Variants in PITPNM3 observed in about 807,000 individuals in gnomAD.
The protein encoded by PITPNM3 is membrane-associated phosphatidylinositol transfer protein 3.
In PITPNM3, 26 loss-of-function variants were observed where a neutral mutation model predicts 102.0. The observed-to-expected ratio is 0.25, with a 90% confidence interval of 0.19 to 0.35. The LOEUF (loss-of-function observed/expected upper bound fraction) is 0.35, where lower values mean the gene tolerates loss of function less well. Ranked by LOEUF, PITPNM3 falls within the 10% of genes least tolerant of loss-of-function variation. The probability of loss-of-function intolerance (pLI) is 1.00; values close to 1 mark genes in which losing one functional copy is unlikely to be tolerated. For missense variants in PITPNM3, 1,083 were observed against 1,346.1 expected, an observed-to-expected ratio of 0.80 and a Z score of 3.06; for synonymous variants, 578 against 558.6, an observed-to-expected ratio of 1.03 and a Z score of -0.49.
At chr17:6,486,697 A>G (rs1234148410) in intron 4 of PITPNM3, among the ~76,000 whole-genome samples, 1 of 152,098 alleles carries the variant, frequency 6.6e-6, no homozygotes, top group Non-Finnish European at 1.5e-5. Context: ...CTAATTTCTA[A>G]CTTACTAAAG....
chr17:6,489,764 G>A (rs994759430), intron 4 of PITPNM3, among the ~76,000 whole-genome samples: 1 of 152,158 alleles, frequency 6.6e-6, no homozygotes, highest in Non-Finnish European at 1.5e-5. Flanking sequence ...CCAGCACTTT[G>A]GGGGACCAAG....
Position 6,453,024 on chromosome 17 carries a change from G to A in PITPNM3, c.*2314C>T, listed in dbSNP as rs904447983. ...CCTTTCTCTCTCTCTCTCTCTCTCT[G>A]CCTTCCTGTCTTTCTTTCTCCCTCT... On this transcript the variant is annotated 3_prime_UTR_variant, in exon 20 of 20. Coordinates refer to ENST00000262483, the MANE Select transcript of PITPNM3 (RefSeq NM_031220.4). 1.2e-5 allele frequency: 1 copy of A among 84,922 alleles called. No individual in the cohort carries two copies. Among genetic ancestry groups the A allele is most frequent in the Non-Finnish European group, 2.8e-5 (1 of 36,138 alleles). 5.3% of individuals were successfully genotyped at this position (84,922 alleles called of 1,614,324 possible). A position where few individuals can be genotyped will look rare whatever the true frequency, so the allele number is the denominator to read the frequency against.
intron 1 of PITPNM3, among the ~76,000 whole-genome samples, chr17:6,554,653 G>A (rs1910505727): frequency 6.6e-6 from 1 of 152,164 alleles, no homozygotes; most frequent in African/African-American, 2.4e-5. Context: ...TAAGGCAGAG[G>A]GACTGAGACT....
intron 3 of PITPNM3, among the ~76,000 whole-genome samples, chr17:6,518,451 C>CA (rs74413304): frequency 0.014 from 1,583 of 112,710 alleles, 12 homozygotes; most frequent in African/African-American, 0.023. Flanking sequence ...GGTAAAAAAG[C>CA]AAAAAAAAAA....
intron 14 of PITPNM3, 25 bp from the exon 15 acceptor site, chr17:6,464,796 T>C (rs778803217): frequency 6.2e-7 from 1 of 1,612,142 alleles, no homozygotes; most frequent in Non-Finnish European, 8.5e-7. Flanking sequence ...AGAAGCTGGC[T>C]CAGCCCTTGC....
At chr17:6,488,510 G>A (rs1300579477) in intron 4 of PITPNM3, among the ~76,000 whole-genome samples, 1 of 152,178 alleles carries the variant, frequency 6.6e-6, no homozygotes, top group African/African-American at 2.4e-5. Context: ...GGACTAGGAT[G>A]GCACTTTTGT....
intron 3 of PITPNM3, among the ~76,000 whole-genome samples, chr17:6,514,660 G>A (rs752637836): frequency 2.2e-4 from 33 of 152,244 alleles, no homozygotes; most frequent in Non-Finnish European, 4.7e-4. Flanking sequence ...TGGTGGAAAT[G>A]TAAAGTGGGG....
In PITPNM3 at chr17:6,539,775, C is replaced by T. The variant is rs78689260; in HGVS notation, c.23-1693G>A. ...ACTACATTTGCATACTATGTGAATACGCTAGATTAATATACAGACATCCCT... is the reference window on the plus strand; with the variant it reads ...ACTACATTTGCATACTATGTGAATATGCTAGATTAATATACAGACATCCCT... On this transcript the variant is annotated intron_variant, in intron 1 of 19. Transcript: ENST00000262483. Among the ~76,000 whole-genome samples the T allele has an allele frequency of 9.0e-3, 1,363 of 152,250 alleles. 17 individuals carry two copies. The highest frequency in any genetic ancestry group is 0.03 in the African/African-American group (1,266 of 41,530).
intron 3 of PITPNM3, among the ~76,000 whole-genome samples, chr17:6,515,192 T>G (rs1321653661): frequency 6.6e-6 from 1 of 151,782 alleles, no homozygotes; most frequent in Non-Finnish European, 1.5e-5. Flanking sequence ...GGTCAGGAGT[T>G]CAAGACCAGC....
At chr17:6,516,456 C>A (rs1306049212) in intron 3 of PITPNM3, among the ~76,000 whole-genome samples, 4 of 148,522 alleles carry the variant, frequency 2.7e-5, no homozygotes, top group African/African-American at 9.9e-5. Flanking sequence ...CCCAGCTACT[C>A]GGGAGGCTGA....
rs1366619414 is a variant in PITPNM3 at position 6,470,406 on chromosome 17, T to G, written c.1627A>C (p.Thr543Pro). The change falls in exon 13 of 20, where the codon ACA (threonine) becomes CCA (proline). Residue 543 changes from threonine to proline, a missense_variant and splice_region_variant. Physicochemically the swap from Thr to Pro is conservative, Grantham distance 38. Transcript: ENST00000262483. This position sits in a 1 kb window ranked among gnomAD's most constrained non-coding sequence, Gnocchi z 4.8. ...SMAPVGASRI[T>P]AKWWGSKRID... ...CTCTTGCTTCCCCACCACTTGGCTG[T>G]GACTGTGGGTCGGAGAGGAAGGTGA... is the stretch of plus-strand genomic sequence containing the variant. 3 of 1,614,092 alleles carry G rather than the reference T, an allele frequency of 1.9e-6. No homozygotes were observed. The highest frequency in any genetic ancestry group is 1.7e-6 in the Non-Finnish European group (2 of 1,180,004).
chr17:6,534,455 C>T (rs1909304706), intron 2 of PITPNM3, among the ~76,000 whole-genome samples: 1 of 152,226 alleles, frequency 6.6e-6, no homozygotes, highest in African/African-American at 2.4e-5. Context: ...TCCAGGTGAA[C>T]CCCATTGCCA....
chr17:6,522,648 G>C (rs1265422605), intron 3 of PITPNM3, among the ~76,000 whole-genome samples: 1 of 152,164 alleles, frequency 6.6e-6, no homozygotes, highest in Non-Finnish European at 1.5e-5. Flanking sequence ...AGGCAGGGGA[G>C]GGGGGCCTGG....
At chr17:6,483,493 T>C (rs370788790) in intron 6 of PITPNM3, 24 bp downstream of exon 6, 6 of 1,601,300 alleles carry the variant, frequency 3.7e-6, no homozygotes, top group Non-Finnish European at 2.6e-6. Context: ...CCCAACCAGT[T>C]CAAACAAGCA....
At position 6,455,144 on chromosome 17, in the gene PITPNM3, C is replaced by T; in HGVS notation, c.*194G>A. 1 of 673,402 alleles carries T rather than the reference C, an allele frequency of 1.5e-6. No individual in the cohort carries two copies. Among genetic ancestry groups the T allele is most frequent in the Non-Finnish European group, 2.4e-6 (1 of 425,504 alleles). The allele number at this position is 673,402 out of a possible 1,614,324, so 41.7% of individuals were successfully genotyped here. On this transcript the variant is annotated 3_prime_UTR_variant, in exon 20 of 20. Coordinates refer to ENST00000262483, the MANE Select transcript of PITPNM3 (RefSeq NM_031220.4). The stretch of plus-strand genomic sequence containing the variant: ...CAGTGGCTGCACCGAGATCCCCGGA[C>T]CTCACCCCGTCGCAGCTCAGGGAGC...
chr17:6,554,228 G>A (rs1314625535), intron 1 of PITPNM3, among the ~76,000 whole-genome samples: 1 of 150,028 alleles, frequency 6.7e-6, no homozygotes, highest in Non-Finnish European at 1.5e-5. Context: ...GCTGAGGCAG[G>A]AGAATCGCCT....
intron 3 of PITPNM3, among the ~76,000 whole-genome samples, chr17:6,516,753 G>C (rs1460880560): frequency 2.6e-5 from 4 of 152,072 alleles, no homozygotes; most frequent in South Asian, 2.1e-4. Context: ...CTAAAGGCTG[G>C]GCATGGTGGC....
In PITPNM3 at chr17:6,464,251, T is replaced by C. The variant is rs762863730; in HGVS notation, c.2075A>G (p.Asn692Ser). 12 of 1,614,054 alleles carry C rather than the reference T, an allele frequency of 7.4e-6. No homozygotes were observed. The African/African-American group carries it at 9.3e-5, about 13-fold the overall frequency. Reference sequence around the variant, plus strand: ...ATTGTATGTGATGCGACCACTGCTGTTGGTGATCTCTGTGTCCAGGTGTAC... The same window carrying C: ...ATTGTATGTGATGCGACCACTGCTGCTGGTGATCTCTGTGTCCAGGTGTAC... ...RWVHLDTEIT[N>S]SSGRITYNVP... The change falls in exon 16 of 20, where the codon AAC (asparagine) becomes AGC (serine). Residue 692 changes from asparagine (N) to serine (S), a missense_variant. By Grantham distance (46) the Asn-to-Ser change is conservative. Around this residue, in one of 5 missense-constraint regions of PITPNM3, gnomAD observed 410 missense variants for 638.4 expected, o/e 0.64. Transcript: ENST00000262483.
chr17:6,540,658 G>GTGTTT (rs1223867266), intron 1 of PITPNM3, among the ~76,000 whole-genome samples: 1 of 152,006 alleles, frequency 6.6e-6, no homozygotes, highest in Non-Finnish European at 1.5e-5. Context: ...ACCTGCCTTG[G>GTGTTT]TGTTTTGTTT....
Sources: allele counts gnomAD v4.1 joint callset (sites outside exome capture counted in the v4.1 genomes callset), GRCh38; gene constraint gnomAD v4.1.1; regional missense constraint gnomAD v4.1.1; non-coding constraint Gnocchi (gnomAD v3.1); transcripts MANE v1.5; gene names NCBI Gene and HGNC (gene_info 2026-07-23, HGNC 2026-07-21).